MTPAP: variants seen among roughly 807,000 people sequenced by gnomAD.
The protein encoded by MTPAP is mitochondrial poly(A) polymerase.
Under a neutral mutation model 48.7 loss-of-function variants are expected in MTPAP, and 23 were observed. The observed-to-expected ratio is 0.47, with a 90% CI of 0.34 to 0.67. The LOEUF is 0.67. Ranked by LOEUF, MTPAP falls within the 30% of genes least tolerant of loss-of-function variation. The pLI is 0.01. For synonymous variants in MTPAP, 257 were observed against 254.1 expected, an observed-to-expected ratio of 1.01 and a Z score of -0.11; for missense variants, 614 against 694.3, an observed-to-expected ratio of 0.88 and a Z score of 1.30.
chr10:30,324,439 A>T (rs1834555696), intron 5 of MTPAP, among the ~76,000 whole-genome samples: 1 of 152,056 alleles, frequency 6.6e-6, no homozygotes, highest in South Asian at 2.1e-4. Context: ...CTGTAATCCT[A>T]GCTACTCAGG....
Position 30,340,214 on chromosome 10 carries a change from C to T in MTPAP, c.555+12G>A, listed in dbSNP as rs757042410. ...CATAGTTCTAAAAGTTGAGGTACAC[C>T]TAAAAACTTACACTTTCTGCATAAC... On this transcript the variant is annotated intron_variant, in intron 3 of 8. Coordinates refer to ENST00000263063, the MANE Select transcript of MTPAP (RefSeq NM_018109.4). 1.2e-6 allele frequency: 2 copies of T among 1,600,802 alleles called. No individual in the cohort carries two copies. Among genetic ancestry groups the T allele is most frequent in the Non-Finnish European group, 1.7e-6 (2 of 1,167,966 alleles).
chr10:30,337,336 A>C (rs1250812324), intron 3 of MTPAP, among the ~76,000 whole-genome samples: 2 of 152,212 alleles, frequency 1.3e-5, no homozygotes, highest in Middle Eastern at 3.2e-3. Flanking sequence ...AGGCAGGAGA[A>C]TCGCTTGAAC....
Position 30,322,582 on chromosome 10 carries a change from T to C in MTPAP, c.1028A>G (p.Tyr343Cys), listed in dbSNP as rs769100052. ...TCTCACTCTTGAGTCTAGGGCACCATATATATAAAGGAGTTCGGAACTTGT... is the reference window on the plus strand; with the variant it reads ...TCTCACTCTTGAGTCTAGGGCACCACATATATAAAGGAGTTCGGAACTTGT... ...ALTSSELLYIYGALDSRVRAL... is the reference protein window; with the variant it reads ...ALTSSELLYICGALDSRVRAL... The change falls in exon 6 of 9, where the codon TAT becomes TGT. Residue 343 changes from tyrosine to cysteine, a missense_variant. This residue lies in a region of MTPAP where 261 missense variants were observed against 355.4 expected (regional missense o/e 0.73). Coordinates refer to ENST00000263063, the MANE Select transcript of MTPAP (RefSeq NM_018109.4). 1 of 1,613,814 alleles carries C rather than the reference T, an allele frequency of 6.2e-7. No individual in the cohort carries two copies. Among genetic ancestry groups the C allele is most frequent in the Non-Finnish European group, 8.5e-7 (1 of 1,179,768 alleles).
intron 4 of MTPAP, among the ~76,000 whole-genome samples, chr10:30,327,709 G>T (rs1834615123): frequency 6.6e-6 from 1 of 151,708 alleles, no homozygotes; most frequent in Non-Finnish European, 1.5e-5. Context: ...AGCCAGGCAT[G>T]GTGGCATGCA....
chr10:30,318,681 A>T (rs1840688300), intron 6 of MTPAP, among the ~76,000 whole-genome samples: 1 of 152,240 alleles, frequency 6.6e-6, no homozygotes, highest in African/African-American at 2.4e-5. Flanking sequence ...AGAGGAACCA[A>T]ATATGAAAGT....
At chr10:30,341,789 TACAGTAGTCTCCCCATTACCC>T in intron 1 of MTPAP, 149 bp from the exon 2 acceptor site, 1 of 825,244 alleles carries the variant, frequency 1.2e-6, no homozygotes, top group Admixed American at 2.2e-5. Context: ...TAAACTATAC[TACAGTAGTCTCCCCATTACCC>T]ACAGGGGTTA....
At chr10:30,321,750 A>G (rs1232588817) in intron 6 of MTPAP, among the ~76,000 whole-genome samples, 1 of 152,240 alleles carries the variant, frequency 6.6e-6, no homozygotes, top group Non-Finnish European at 1.5e-5. Flanking sequence ...GGTAGAAGAC[A>G]GTATGCATTT....
At chr10:30,323,701 G>A (rs1834541894) in intron 5 of MTPAP, among the ~76,000 whole-genome samples, 1 of 152,012 alleles carries the variant, frequency 6.6e-6, no homozygotes, top group Admixed American at 6.6e-5. Context: ...TAGTAGAAAT[G>A]GGGTTTCACC....
chr10:30,342,521 A>G (rs1396022571), intron 1 of MTPAP, among the ~76,000 whole-genome samples: 1 of 140,226 alleles, frequency 7.1e-6, no homozygotes, highest in African/African-American at 2.7e-5. Context: ...GCTTGATGCA[A>G]AGTGCTGAAA....
At chr10:30,335,223 A>G (rs1327414789) in intron 4 of MTPAP, among the ~76,000 whole-genome samples, 1 of 152,202 alleles carries the variant, frequency 6.6e-6, no homozygotes, top group Admixed American at 6.5e-5. Flanking sequence ...GTGGTGACTC[A>G]CGCCTGTAAT....
At chr10:30,319,074 G>C (rs1278905455) in intron 6 of MTPAP, among the ~76,000 whole-genome samples, 3 of 151,990 alleles carry the variant, frequency 2.0e-5, no homozygotes, top group Non-Finnish European at 4.4e-5. Flanking sequence ...CTGGGAGGGG[G>C]AGGCTGGGAG....
chr10:30,325,884 T>C lies in MTPAP; in HGVS notation c.992+540A>G, dbSNP rs114866892. Among the ~76,000 whole-genome samples the C allele has an allele frequency of 1.7e-3, 245 of 143,076 alleles. 5 individuals carry two copies. Among genetic ancestry groups the C allele is most frequent in the African/African-American group, 5.7e-3 (212 of 37,174 alleles). 93.9% of individuals were successfully genotyped at this position (143,076 alleles called of 152,430 possible). A position where few individuals can be genotyped will look rare whatever the true frequency, so the allele number is the denominator to read the frequency against. ...AATCACTAGGATAATACAATGCACA[T>C]AGGCTGAACAAAAGCCATCCGGTCT... On this transcript the variant is annotated intron_variant, in intron 5 of 8. Transcript: ENST00000263063.
At chr10:30,323,128 CAAAAAAAA>C (rs201987154) in intron 5 of MTPAP, among the ~76,000 whole-genome samples, 13 of 86,516 alleles carry the variant, frequency 1.5e-4, no homozygotes, top group Admixed American at 1.6e-4. Flanking sequence ...GACTCCGTTT[CAAAAAAAA>C]AAAAAAAAAA....
intron 4 of MTPAP, among the ~76,000 whole-genome samples, chr10:30,336,264 A>G (rs950395454): frequency 6.6e-6 from 1 of 152,198 alleles, no homozygotes; most frequent in African/African-American, 2.4e-5. Context: ...ATATTAACAA[A>G]TAAAATAGAA....
At chr10:30,337,744 G>A (rs969317664) in intron 3 of MTPAP, among the ~76,000 whole-genome samples, 53 of 152,196 alleles carry the variant, frequency 3.5e-4, no homozygotes, top group African/African-American at 1.1e-3. Flanking sequence ...AAACAACCAC[G>A]TTAGACATTT....
intron 4 of MTPAP, 24 bp downstream of exon 4, chr10:30,336,779 A>C (rs776598730): frequency 6.6e-7 from 1 of 1,516,806 alleles, no homozygotes; most frequent in South Asian, 1.1e-5. Flanking sequence ...ACATGATTAT[A>C]GTGGTCAAAA....
chr10:30,331,605 C>T (rs149948829), intron 4 of MTPAP, among the ~76,000 whole-genome samples: 7,637 of 152,308 alleles, frequency 0.05, 633 homozygotes, highest in African/African-American at 0.17. Flanking sequence ...CTTGCTCTGT[C>T]GCCCAGGCTG....
intron 6 of MTPAP, among the ~76,000 whole-genome samples, chr10:30,320,653 C>G (rs1455478371): frequency 6.6e-6 from 1 of 152,104 alleles, no homozygotes; most frequent in Non-Finnish European, 1.5e-5. Flanking sequence ...ACTCTCTTAA[C>G]TAAGAATAGA....
chr10:30,314,624 G>A (rs988063020), intron 8 of MTPAP, among the ~76,000 whole-genome samples: 22 of 152,062 alleles, frequency 1.4e-4, no homozygotes, highest in South Asian at 4.1e-4. Flanking sequence ...TGTAATCCAA[G>A]CATTTTGGGA....
Sources: gnomAD v4.1 joint callset for allele counts (sites outside exome capture counted in the v4.1 genomes callset) on GRCh38, gnomAD v4.1.1 for gene constraint, gnomAD v4.1.1 regional missense constraint, MANE v1.5 for transcripts, NCBI Gene and HGNC (gene_info 2026-07-23, HGNC 2026-07-21) for gene names.